Variants in PCDHA1 observed in about 807,000 individuals in gnomAD.
PCDHA1 encodes the protein protocadherin alpha-1.
In PCDHA1, 42 loss-of-function variants were observed where a neutral mutation model predicts 61.3. That is an observed-to-expected ratio of 0.69 (90% confidence interval 0.54 to 0.89). The LOEUF is 0.89. Among genes scored for constraint, PCDHA1 ranks in the 40% least tolerant of loss-of-function variants. The probability of loss-of-function intolerance (pLI) is 0.00; values close to 1 mark genes in which losing one functional copy is unlikely to be tolerated. For missense variants in PCDHA1, 1,256 were observed against 1,235.3 expected (o/e 1.02, Z -0.25); for synonymous variants, 610 against 553.8 (o/e 1.10, Z -1.43).
chr5:140,869,977 T>C (rs2051552630), intron 1 of PCDHA1: 1 of 1,613,234 alleles, frequency 6.2e-7, no homozygotes, highest in Non-Finnish European at 8.5e-7. Flanking sequence ...AAGACACTTA[T>C]TTACACTAGA....
chr5:140,921,017 T>C (rs2153559418), intron 1 of PCDHA1, among the ~76,000 whole-genome samples: 1 of 152,192 alleles, frequency 6.6e-6, no homozygotes, highest in African/African-American at 2.4e-5. Context: ...TCTTGCTATG[T>C]TTTCTAGACT....
At chr5:140,879,676 C>G (rs539657930) in intron 1 of PCDHA1, among the ~76,000 whole-genome samples, 1 of 152,308 alleles carries the variant, frequency 6.6e-6, no homozygotes, top group South Asian at 2.1e-4. Flanking sequence ...AAACTGGGTG[C>G]TGTAAAACAG....
In PCDHA1 at chr5:140,787,961, C is replaced by A. The variant is rs1278883144; in HGVS notation, c.1671C>A (p.Asp557Glu). The A allele has an allele frequency of 3.1e-6, 5 of 1,613,944 alleles. No individual in the cohort carries two copies. In the South Asian group the frequency reaches 3.3e-5, roughly 11 times the overall value. The change falls in exon 1 of 4, where the codon GAC becomes GAA. Residue 557 changes from aspartate to glutamate, a missense_variant. Transcript: ENST00000504120. ...SNVTLQVFVL[D>E]ENDNAPALLA... Reference sequence around the variant, plus strand: ...TGACGCTGCAGGTGTTCGTGCTGGACGAGAACGACAACGCGCCGGCGCTGC... The same window carrying A: ...TGACGCTGCAGGTGTTCGTGCTGGAAGAGAACGACAACGCGCCGGCGCTGC...
At chr5:140,979,126 A>G in intron 2 of PCDHA1, 119 bp downstream of exon 2, 2 of 1,481,366 alleles carry the variant, frequency 1.4e-6, no homozygotes, top group South Asian at 1.4e-5. Context: ...GTACTTTGCC[A>G]GGAAAATGCA....
intron 1 of PCDHA1, chr5:140,795,531 C>G: frequency 2.5e-6 from 4 of 1,614,044 alleles, no homozygotes; most frequent in Non-Finnish European, 2.5e-6. Flanking sequence ...ATGAACTAAG[C>G]GAATCTTTGT....
At chr5:140,820,525 A>G (rs2150107223) in intron 1 of PCDHA1, among the ~76,000 whole-genome samples, 2 of 152,164 alleles carry the variant, frequency 1.3e-5, no homozygotes, top group African/African-American at 4.8e-5. Flanking sequence ...GCAGAATGTT[A>G]GCTATTTCTT....
intron 1 of PCDHA1, among the ~76,000 whole-genome samples, chr5:140,940,983 C>T (rs572659107): frequency 6.6e-6 from 1 of 152,176 alleles, no homozygotes; most frequent in Non-Finnish European, 1.5e-5. Context: ...TATCTAGTTA[C>T]AAGTTTATAG....
chr5:140,944,419 T>C (rs2093656334), intron 1 of PCDHA1, among the ~76,000 whole-genome samples: 2 of 152,184 alleles, frequency 1.3e-5, no homozygotes, highest in South Asian at 4.1e-4. Flanking sequence ...ACTCCTGATC[T>C]GAAGTGGTCT....
At chr5:140,947,371 A>G (rs1468768080) in intron 1 of PCDHA1, among the ~76,000 whole-genome samples, 1 of 151,626 alleles carries the variant, frequency 6.6e-6, no homozygotes, top group Non-Finnish European at 1.5e-5. Context: ...CCTTTGATCT[A>G]TATGTTTATC....
chr5:140,890,128 G>T (rs1402157838), intron 1 of PCDHA1, among the ~76,000 whole-genome samples: 2 of 152,156 alleles, frequency 1.3e-5, no homozygotes, highest in East Asian at 3.9e-4. Context: ...CACTTTGGTA[G>T]CTTGAAATTG....
At chr5:140,802,229 T>C (rs781982599) in intron 1 of PCDHA1, 5 of 1,614,226 alleles carry the variant, frequency 3.1e-6, no homozygotes, top group Middle Eastern at 1.6e-4. Flanking sequence ...TGGACATCAA[T>C]GATAATGTAC....
chr5:140,933,300 A>G (rs541308392), intron 1 of PCDHA1, among the ~76,000 whole-genome samples: 41 of 152,132 alleles, frequency 2.7e-4, no homozygotes, highest in African/African-American at 9.4e-4. Context: ...ATCTGGAAAT[A>G]AATATGCAAT....
chr5:140,802,212 G>A (rs1406650011), intron 1 of PCDHA1: 2 of 1,614,100 alleles, frequency 1.2e-6, no homozygotes, highest in Non-Finnish European at 1.7e-6. Context: ...AGTTCTACTC[G>A]AAATTGTGGA....
At chr5:140,803,722 G>A (rs1169583815) in intron 1 of PCDHA1, 1 of 1,476,096 alleles carries the variant, frequency 6.8e-7, no homozygotes, top group Non-Finnish European at 9.1e-7. Flanking sequence ...CCAGTTTTGT[G>A]GTTTTGTGGT....
chr5:140,969,147 A>G (rs781909774), intron 1 of PCDHA1: 1 of 1,614,172 alleles, frequency 6.2e-7, no homozygotes, highest in Non-Finnish European at 8.5e-7. Flanking sequence ...TACTGCTACA[A>G]GGCCTGTCTG....
rs2150253350 is a variant in PCDHA1 at position 140,836,122 on chromosome 5, T to C, written c.2394+47438T>C. Reference sequence around the variant, plus strand: ...GGCACTGGTGGCGCAGTGAGAGAGCTTGTGCCGCGGTCTGTGGGCGCGGGC... The same window carrying C: ...GGCACTGGTGGCGCAGTGAGAGAGCCTGTGCCGCGGTCTGTGGGCGCGGGC... On this transcript the variant is annotated intron_variant, in intron 1 of 3. Transcript: ENST00000504120. 2.0e-5 allele frequency: 32 copies of C among 1,613,580 alleles called. 2 individuals are homozygous for C. The Admixed American group carries it at 3.3e-4, about 17-fold the overall frequency.
chr5:140,967,293 A>T, intron 1 of PCDHA1: 1 of 1,612,824 alleles, frequency 6.2e-7, no homozygotes. Flanking sequence ...CAGGACCCCG[A>T]CGTGGGCGCC....
At position 140,788,078 on chromosome 5, in the gene PCDHA1, A is replaced by G. The variant is rs1761430692; in HGVS notation, c.1788A>G (p.Ala596=). 1 of 1,613,976 alleles carries G rather than the reference A, an allele frequency of 6.2e-7. No individual in the cohort carries two copies. Among genetic ancestry groups the G allele is most frequent in the Non-Finnish European group, 8.5e-7 (1 of 1,179,890 alleles). Residue 596 remains alanine, a synonymous_variant, in exon 1 of 4, where the codon GCA becomes GCG. Transcript: ENST00000504120. The part of the protein sequence containing the change: ...GAGHVVAKVR[A]VDADSGYNAW... ...GTCATGTGGTGGCGAAGGTGCGCGC[A>G]GTGGACGCCGACTCGGGCTACAACG...
intron 1 of PCDHA1, among the ~76,000 whole-genome samples, chr5:140,977,307 G>A (rs1023836424): frequency 6.6e-6 from 1 of 152,304 alleles, no homozygotes; most frequent in Non-Finnish European, 1.5e-5. Context: ...ACAAGCTAAC[G>A]ATAGTGCTCC....
Sources: allele counts gnomAD v4.1 joint callset (sites outside exome capture counted in the v4.1 genomes callset), GRCh38; gene constraint gnomAD v4.1.1; transcripts MANE v1.5; gene names NCBI Gene and HGNC (gene_info 2026-07-23, HGNC 2026-07-21).